Variants in VAV2 observed in about 807,000 individuals in gnomAD.
VAV2 encodes the protein guanine nucleotide exchange factor VAV2.
VAV2 carries 67 observed loss-of-function variants against 132.5 expected under a neutral mutation model. The ratio of observed to expected loss-of-function variants is 0.51; its 90% confidence interval spans 0.42 to 0.62. The LOEUF (loss-of-function observed/expected upper bound fraction) is 0.62, where lower values mean the gene tolerates loss of function less well. Ranked by LOEUF, VAV2 falls within the 20% of genes least tolerant of loss-of-function variation. The probability of loss-of-function intolerance (pLI) is 0.00; values close to 1 mark genes in which losing one functional copy is unlikely to be tolerated. For synonymous variants in VAV2, 492 were observed against 443.5 expected, an observed-to-expected ratio of 1.11 and a Z score of -1.37; for missense variants, 938 against 1,153.6, an observed-to-expected ratio of 0.81 and a Z score of 2.71.
chr9:133,831,293 G>T (rs564415660), intron 4 of VAV2, among the ~76,000 whole-genome samples: 1 of 152,120 alleles, frequency 6.6e-6, no homozygotes, highest in East Asian at 1.9e-4. Flanking sequence ...AAAATTAGCC[G>T]GGCGTGGTGG....
Position 133,913,148 on chromosome 9 carries a change from C to T in VAV2, c.321+25955G>A, listed in dbSNP as rs1393114194. Among the ~76,000 whole-genome samples, 4 of 152,348 alleles carry T rather than the reference C, an allele frequency of 2.6e-5. No homozygotes were observed. The East Asian group carries it at 7.7e-4, about 29-fold the overall frequency. The stretch of plus-strand genomic sequence containing the variant: ...GGCACTCTGAGAGGGGCGCCCCCAA[C>T]ACCCACCTCTGGTGAGACAATGTCC... On this transcript the variant is annotated intron_variant, in intron 2 of 29. Coordinates refer to ENST00000371850, the MANE Select transcript of VAV2 (RefSeq NM_001134398.2).
In VAV2 at chr9:133,833,124, G is replaced by A. The variant is rs1406195058; in HGVS notation, c.449+1148C>T. ...GTGGCAGCTACTCCAGCTGGTGGGT[G>A]AGGAATTTCTTTCACAGAAGTGCAT... is the stretch of plus-strand genomic sequence containing the variant. On this transcript the variant is annotated intron_variant, in intron 4 of 29. Transcript: ENST00000371850. This position sits in a 1 kb window ranked among gnomAD's most constrained non-coding sequence, Gnocchi z 5.6. Among the ~76,000 whole-genome samples the A allele has an allele frequency of 6.6e-6, 1 of 152,230 alleles. No homozygotes were observed. Among genetic ancestry groups the A allele is most frequent in the Non-Finnish European group, 1.5e-5 (1 of 68,040 alleles).
chr9:133,877,797 G>A (rs2131925525), intron 2 of VAV2, among the ~76,000 whole-genome samples: 1 of 152,280 alleles, frequency 6.6e-6, no homozygotes, highest in African/African-American at 2.4e-5. Context: ...CATTTTAATG[G>A]GAAGGGGACT....
chr9:133,845,430 A>G (rs1836895363), intron 3 of VAV2, among the ~76,000 whole-genome samples: 1 of 152,204 alleles, frequency 6.6e-6, no homozygotes, highest in Non-Finnish European at 1.5e-5. Context: ...GGGGGGCCGC[A>G]CTGGGGGTTC....
At chr9:133,849,059 G>A (rs1053120958) in intron 3 of VAV2, among the ~76,000 whole-genome samples, 2 of 152,232 alleles carry the variant, frequency 1.3e-5, no homozygotes, top group Non-Finnish European at 2.9e-5. Flanking sequence ...CATTTTTAAT[G>A]CTGACAGTTG....
Position 133,834,374 on chromosome 9 carries a change from G to A in VAV2, c.381-34C>T. ...GAGAAGGCGAGAGGGAGGTGAGCAGGTCCCGGCACTGCCGGCCAGTGGGAC... is the reference window on the plus strand; with the variant it reads ...GAGAAGGCGAGAGGGAGGTGAGCAGATCCCGGCACTGCCGGCCAGTGGGAC... On this transcript the variant is annotated intron_variant, in intron 3 of 29. Transcript: ENST00000371850. The surrounding 1 kb of genome is among the most constrained non-coding windows in gnomAD (Gnocchi z 5.9). 1.9e-6 allele frequency: 3 copies of A among 1,603,006 alleles called. No individual in the cohort carries two copies. The highest frequency in any genetic ancestry group is 1.7e-6 in the Non-Finnish European group (2 of 1,174,312).
chr9:133,957,826 AAAG>A (rs1426339695), intron 1 of VAV2, among the ~76,000 whole-genome samples: 34 of 139,134 alleles, frequency 2.4e-4, no homozygotes, highest in African/African-American at 8.2e-4. Flanking sequence ...ATCTGTGTAG[AAAG>A]AAGTAGACAT....
chr9:133,882,586 C>G (rs1006238462), intron 2 of VAV2, among the ~76,000 whole-genome samples: 6 of 152,144 alleles, frequency 3.9e-5, no homozygotes, highest in African/African-American at 1.4e-4. Flanking sequence ...AGATCCCCAC[C>G]CCCGCGACCT....
intron 22 of VAV2, among the ~76,000 whole-genome samples, chr9:133,778,057 C>T (rs1248781097): frequency 6.6e-6 from 1 of 152,132 alleles, no homozygotes; most frequent in Non-Finnish European, 1.5e-5. Context: ...GGTCTGAGTC[C>T]TTGGCTCAGA....
intron 2 of VAV2, among the ~76,000 whole-genome samples, chr9:133,931,472 T>TACCCTCCTTTCTTCCCTCCC (rs1840686213): frequency 8.1e-6 from 1 of 124,170 alleles, no homozygotes; most frequent in Admixed American, 8.0e-5. Context: ...TCTTCCCTTC[T>TACCCTCCTTTCTTCCCTCCC]CCCCTCCTTT....
chr9:133,840,247 CAG>C lies in VAV2; in HGVS notation c.381-5909_381-5908del, dbSNP rs916285745. On this transcript the variant is annotated intron_variant, in intron 3 of 29. Coordinates refer to ENST00000371850, the MANE Select transcript of VAV2 (RefSeq NM_001134398.2). The surrounding 1 kb of genome is among the most constrained non-coding windows in gnomAD (Gnocchi z 4.5). Reference sequence around the variant, plus strand: ...TTTCCTCGTGCCCGGCTTCGGGAAGCAGAGTTTCCCACTGCACCGCCGAGGGG... The same window carrying C: ...TTTCCTCGTGCCCGGCTTCGGGAAGCAGTTTCCCACTGCACCGCCGAGGGG... 3.3e-5 allele frequency among the ~76,000 whole-genome samples: 5 copies of C among 152,222 alleles called. No homozygotes were observed. The highest frequency in any genetic ancestry group is 5.9e-5 in the Non-Finnish European group (4 of 68,032).
At chr9:133,983,961 G>A (rs1842777647) in intron 1 of VAV2, among the ~76,000 whole-genome samples, 1 of 152,116 alleles carries the variant, frequency 6.6e-6, no homozygotes, top group Admixed American at 6.5e-5. Context: ...CAGGTGCACT[G>A]TTTCTGTGAG....
intron 1 of VAV2, among the ~76,000 whole-genome samples, chr9:133,989,973 G>A (rs946856343): frequency 6.6e-6 from 1 of 152,226 alleles, no homozygotes; most frequent in Non-Finnish European, 1.5e-5. Flanking sequence ...TCCAGGTGAC[G>A]GTCATTTCCT....
intron 2 of VAV2, among the ~76,000 whole-genome samples, chr9:133,894,501 A>T (rs1280956834): frequency 6.6e-6 from 1 of 152,198 alleles, no homozygotes; most frequent in East Asian, 1.9e-4. Flanking sequence ...AGGCCCCCAG[A>T]AACCCCAGAG....
At position 133,768,596 on chromosome 9, in the gene VAV2, A is replaced by G; in HGVS notation, c.2435T>C (p.Val812Ala). The G allele has an allele frequency of 6.2e-7, 1 of 1,613,324 alleles. No individual in the cohort carries two copies. Among genetic ancestry groups the G allele is most frequent in the Admixed American group, 1.7e-5 (1 of 59,990 alleles). The change falls in exon 29 of 30, where the codon GTG becomes GCG. Residue 812 changes from valine (V) to alanine (A), a missense_variant and splice_region_variant. Transcript: ENST00000371850. This position sits in a 1 kb window ranked among gnomAD's most constrained non-coding sequence, Gnocchi z 5.3. Reference protein sequence around the residue: ...SQGPSAPFWSVFTPRVIGTAV... With the variant: ...SQGPSAPFWSAFTPRVIGTAV... ...TGTGCCGATGACGCGGGGCGTGAAC[A>G]CTGTTGAGGGAGATGGGCAGCATCA...
chr9:133,808,966 T>C, intron 7 of VAV2, 74 bp downstream of exon 7: 4 of 1,396,934 alleles, frequency 2.9e-6, no homozygotes, highest in Admixed American at 1.8e-5. Flanking sequence ...CGGAATGCAC[T>C]CCCAGGAGAT....
intron 2 of VAV2, 89 bp from the exon 3 acceptor site, chr9:133,861,521 G>A (rs537578298): frequency 8.2e-6 from 12 of 1,454,758 alleles, no homozygotes; most frequent in Admixed American, 5.9e-5. Context: ...GCAGGACGTC[G>A]AGAACTGTTA....
At position 133,883,907 on chromosome 9, in the gene VAV2, A is replaced by G. The variant is rs544642718; in HGVS notation, c.322-22475T>C. Among the ~76,000 whole-genome samples the G allele has an allele frequency of 6.6e-6, 1 of 152,178 alleles. No individual in the cohort carries two copies. The highest frequency in any genetic ancestry group is 1.9e-4 in the East Asian group (1 of 5,182). On this transcript the variant is annotated intron_variant, in intron 2 of 29. Transcript: ENST00000371850. This position sits in a 1 kb window ranked among gnomAD's most constrained non-coding sequence, Gnocchi z 4.2. ...TCCCAGCACTTTGGGAGGCTGAGGC[A>G]GGCAGATCACAAGGTCAGGAGATCA...
chr9:133,834,105 G>A lies in VAV2; in HGVS notation c.449+167C>T, dbSNP rs867868158. Among the ~76,000 whole-genome samples the A allele has an allele frequency of 1.3e-5, 2 of 152,162 alleles. No homozygotes were observed. The highest frequency in any genetic ancestry group is 4.8e-5 in the African/African-American group (2 of 41,432). The stretch of plus-strand genomic sequence containing the variant: ...AGATGCATGCCTTCCCACTCAGCAC[G>A]GAAGCCCACACCATGACCCATCATG... On this transcript the variant is annotated intron_variant, in intron 4 of 29. Transcript: ENST00000371850. This position sits in a 1 kb window ranked among gnomAD's most constrained non-coding sequence, Gnocchi z 5.9.
Sources: allele counts gnomAD v4.1 joint callset (sites outside exome capture counted in the v4.1 genomes callset), GRCh38; gene constraint gnomAD v4.1.1; non-coding constraint Gnocchi (gnomAD v3.1); transcripts MANE v1.5; gene names NCBI Gene and HGNC (gene_info 2026-07-23, HGNC 2026-07-21).